ZNF599: variants seen among roughly 807,000 people sequenced by gnomAD.
The protein encoded by ZNF599 is zinc finger protein 599.
A neutral mutation model predicts 11.7 loss-of-function variants in ZNF599; 10 were observed. That is an observed-to-expected ratio of 0.86 (90% CI 0.53 to 1.45). The LOEUF (loss-of-function observed/expected upper bound fraction) is 1.45. ZNF599 is among the 40% of genes most tolerant of loss of function. The pLI is 0.00. For missense variants in ZNF599, 688 were observed against 713.6 expected (o/e 0.96, Z 0.41); for synonymous variants, 232 against 253.2 (o/e 0.92, Z 0.79).
chr19:34,787,293 T>C, the ZNF599 span, among the ~76,000 whole-genome samples: 2 of 151,974 alleles, frequency 1.3e-5, no homozygotes, highest in African/African-American at 2.4e-5. Flanking sequence ...ACAATGGCTG[T>C]GAGGGGGCAA....
chr19:34,777,417 ATT>A (rs1192305298), upstream of ZNF599, among the ~76,000 whole-genome samples: 1 of 94,696 alleles, frequency 1.1e-5, no homozygotes, highest in African/African-American at 4.3e-5. Context: ...TATAATATAT[ATT>A]AATTAATATA....
At chr19:34,789,432 T>C in the ZNF599 span, among the ~76,000 whole-genome samples, 2 of 152,364 alleles carry the variant, frequency 1.3e-5, no homozygotes, top group African/African-American at 2.4e-5. Flanking sequence ...ACTTCCATAC[T>C]GTTTTCCATA....
At chr19:34,793,944 A>G in the ZNF599 span, among the ~76,000 whole-genome samples, 1 of 152,196 alleles carries the variant, frequency 6.6e-6, no homozygotes, top group Non-Finnish European at 1.5e-5. Flanking sequence ...CGCTGCAGAT[A>G]AAGACATCTC....
At chr19:34,795,648 T>A in the ZNF599 span, among the ~76,000 whole-genome samples, 1 of 152,272 alleles carries the variant, frequency 6.6e-6, no homozygotes, top group South Asian at 2.1e-4. Flanking sequence ...CAGGTATGAC[T>A]TACTACCACA....
the ZNF599 span, among the ~76,000 whole-genome samples, chr19:34,804,557 C>T: frequency 6.6e-6 from 1 of 152,218 alleles, no homozygotes; most frequent in Admixed American, 6.5e-5. Context: ...AAGTGGCCAC[C>T]ACCTTCTGGA....
chr19:34,787,034 G>A, the ZNF599 span, among the ~76,000 whole-genome samples: 4 of 152,150 alleles, frequency 2.6e-5, no homozygotes, highest in African/African-American at 7.2e-5. Flanking sequence ...TAGTGAATCA[G>A]AAACTGTGGG....
chr19:34,774,404 C>T (rs1000355057), upstream of ZNF599, among the ~76,000 whole-genome samples: 2 of 152,206 alleles, frequency 1.3e-5, no homozygotes, highest in African/African-American at 2.4e-5. Flanking sequence ...TTTCAGCCCA[C>T]CACCCAAACC....
the ZNF599 span, among the ~76,000 whole-genome samples, chr19:34,785,746 C>T: frequency 6.6e-6 from 1 of 152,152 alleles, no homozygotes; most frequent in Non-Finnish European, 1.5e-5. Context: ...TGGGGCAGGT[C>T]TGATGGGCTC....
chr19:34,773,279 G>A (rs1036156637), upstream of ZNF599: 6 of 180,420 alleles, frequency 3.3e-5, no homozygotes, highest in Admixed American at 6.2e-5. Context: ...CTTGGGGTCG[G>A]CTTCCGTCCC....
At chr19:34,796,543 T>A in the ZNF599 span, among the ~76,000 whole-genome samples, 3 of 152,150 alleles carry the variant, frequency 2.0e-5, no homozygotes, top group Non-Finnish European at 2.9e-5. Context: ...ACTCCTGATC[T>A]CAAGCGATCT....
At chr19:34,763,629 G>C (rs1246547811) in intron 3 of ZNF599, 1 of 152,310 alleles carries the variant, frequency 6.6e-6, no homozygotes. Context: ...CTAGACCTGA[G>C]AGAAAACACA....
the ZNF599 span, among the ~76,000 whole-genome samples, chr19:34,802,433 C>T: frequency 6.6e-6 from 1 of 152,128 alleles, no homozygotes; most frequent in Non-Finnish European, 1.5e-5. Flanking sequence ...TATGTCCAGG[C>T]CCAAGAAAAT....
At chr19:34,770,148 G>C (rs1286581347) in intron 1 of ZNF599, among the ~76,000 whole-genome samples, 1 of 152,232 alleles carries the variant, frequency 6.6e-6, no homozygotes, top group African/African-American at 2.4e-5. Flanking sequence ...TGCCCAGCAT[G>C]TGTTACAATG....
At chr19:34,783,271 G>C in the ZNF599 span, among the ~76,000 whole-genome samples, 1 of 152,216 alleles carries the variant, frequency 6.6e-6, no homozygotes, top group African/African-American at 2.4e-5. Flanking sequence ...GAAGGATCAG[G>C]GTCAGAGAGG....
At chr19:34,784,570 A>G in the ZNF599 span, among the ~76,000 whole-genome samples, 4 of 152,180 alleles carry the variant, frequency 2.6e-5, no homozygotes, top group East Asian at 5.8e-4. Context: ...TTAACCACAC[A>G]CAGATGTTTG....
chr19:34,790,425 A>T, the ZNF599 span, among the ~76,000 whole-genome samples: 4 of 152,214 alleles, frequency 2.6e-5, no homozygotes, highest in Admixed American at 2.0e-4. Flanking sequence ...ATGAAATATT[A>T]ATCAGCCTTA....
At chr19:34,777,324 T>TATATATTATATATTA (rs1290039441), upstream of ZNF599, among the ~76,000 whole-genome samples, 94 of 46,864 alleles carry the variant, frequency 2.0e-3, no homozygotes, top group South Asian at 9.6e-3. Flanking sequence ...TTATCTATAT[T>TATATATTATATATTA]ATATATTATA....
intron 3 of ZNF599, chr19:34,765,275 T>C (rs902992121): frequency 1.2e-5 from 4 of 341,414 alleles, no homozygotes; most frequent in African/African-American, 4.1e-5. Flanking sequence ...TTCTAAAGTA[T>C]AGAATATGGC....
the ZNF599 span, among the ~76,000 whole-genome samples, chr19:34,802,385 C>A: frequency 6.6e-6 from 1 of 152,180 alleles, no homozygotes; most frequent in African/African-American, 2.4e-5. Flanking sequence ...GTTTTTGGTA[C>A]TTGTATTTGC....
Sources: gnomAD v4.1 joint callset for allele counts (sites outside exome capture counted in the v4.1 genomes callset) on GRCh38, gnomAD v4.1.1 for gene constraint, MANE v1.5 for transcripts, NCBI Gene and HGNC (gene_info 2026-07-23, HGNC 2026-07-21) for gene names.